The following ATRNL1 variants were observed in gnomAD, a reference collection of about 807,000 sequenced individuals.
The protein encoded by ATRNL1 is attractin-like protein 1.
In ATRNL1, 95 loss-of-function variants were observed where a neutral mutation model predicts 182.7. The observed-to-expected ratio is 0.52, with a 90% confidence interval of 0.44 to 0.62. The LOEUF is 0.62. Ranked by LOEUF, ATRNL1 falls within the 20% of genes least tolerant of loss-of-function variation. The probability of loss-of-function intolerance (pLI) is 0.00; values close to 1 mark genes in which losing one functional copy is unlikely to be tolerated. For missense variants in ATRNL1, 1,471 were observed against 1,679.5 expected (o/e 0.88, Z 2.17); for synonymous variants, 576 against 568.3 (o/e 1.01, Z -0.19).
At chr10:115,363,195 T>G (rs1326636921) in intron 19 of ATRNL1, among the ~76,000 whole-genome samples, 1 of 151,344 alleles carries the variant, frequency 6.6e-6, no homozygotes, top group Non-Finnish European at 1.5e-5. Flanking sequence ...GTTTCCTGAC[T>G]TTTTAATGAT....
intron 26 of ATRNL1, among the ~76,000 whole-genome samples, chr10:115,639,991 G>T (rs1000481079): frequency 6.6e-5 from 10 of 151,910 alleles, no homozygotes; most frequent in East Asian, 1.9e-4. Flanking sequence ...ACCCCGACCT[G>T]CCCAGTGTGT....
chr10:115,933,195 A>C (rs1204040384), intron 28 of ATRNL1, among the ~76,000 whole-genome samples: 1 of 152,248 alleles, frequency 6.6e-6, no homozygotes, highest in Non-Finnish European at 1.5e-5. Flanking sequence ...ATTGCTAGAC[A>C]CAAGATCAAG....
chr10:115,840,186 G>A (rs1301935741), intron 27 of ATRNL1, among the ~76,000 whole-genome samples: 2 of 152,138 alleles, frequency 1.3e-5, no homozygotes, highest in Non-Finnish European at 2.9e-5. Context: ...TTCCGGGGCA[G>A]TGTTGATGTG....
At chr10:115,852,487 A>G (rs1951079259) in intron 28 of ATRNL1, among the ~76,000 whole-genome samples, 1 of 152,016 alleles carries the variant, frequency 6.6e-6, no homozygotes, top group African/African-American at 2.4e-5. Context: ...TAAGCGCTTT[A>G]TGTATTCATT....
intron 27 of ATRNL1, among the ~76,000 whole-genome samples, chr10:115,839,784 A>G (rs1950761729): frequency 6.6e-6 from 1 of 152,154 alleles, no homozygotes; most frequent in Non-Finnish European, 1.5e-5. Flanking sequence ...GTGCCTATGT[A>G]GCACTCTGCC....
intron 13 of ATRNL1, among the ~76,000 whole-genome samples, chr10:115,273,167 GC>G (rs1554913785): frequency 1.3e-5 from 2 of 152,178 alleles, no homozygotes; most frequent in African/African-American, 4.8e-5. Flanking sequence ...AGCCAGGTTG[GC>G]CTCGGTGGAT....
chr10:115,259,719 A>G (rs1361205706), intron 10 of ATRNL1, among the ~76,000 whole-genome samples: 11 of 152,144 alleles, frequency 7.2e-5, no homozygotes, highest in Non-Finnish European at 1.5e-4. Context: ...GGAGCTGCAG[A>G]CTGGAGCTGT....
At chr10:115,105,201 AT>A (rs373831413) in intron 1 of ATRNL1, among the ~76,000 whole-genome samples, 1 of 151,754 alleles carries the variant, frequency 6.6e-6, no homozygotes, top group Non-Finnish European at 1.5e-5. Context: ...ATATCTTTCC[AT>A]TTTTTTTGGT....
intron 24 of ATRNL1, among the ~76,000 whole-genome samples, chr10:115,474,571 G>A (rs1554972735): frequency 6.6e-6 from 1 of 151,106 alleles, no homozygotes; most frequent in Non-Finnish European, 1.5e-5. Context: ...AAATAGAGCA[G>A]GGATGGAAGG....
intron 19 of ATRNL1, among the ~76,000 whole-genome samples, chr10:115,384,530 A>T (rs626188): frequency 0.034 from 5,137 of 152,152 alleles, 263 homozygotes; most frequent in African/African-American, 0.11. Context: ...ATAAAATGAA[A>T]GCAGTCATGT....
chr10:115,905,316 G>C (rs1451909391), intron 28 of ATRNL1, among the ~76,000 whole-genome samples: 1 of 152,000 alleles, frequency 6.6e-6, no homozygotes, highest in Non-Finnish European at 1.5e-5. Context: ...AACCTGCCAG[G>C]CTCAAGCGAT....
intron 26 of ATRNL1, among the ~76,000 whole-genome samples, chr10:115,679,494 A>G (rs552502296): frequency 6.6e-6 from 1 of 151,996 alleles, no homozygotes; most frequent in South Asian, 2.1e-4. Flanking sequence ...TTCTCTCCGC[A>G]TACTTCACTC....
intron 24 of ATRNL1, among the ~76,000 whole-genome samples, chr10:115,482,487 T>G (rs185256814): frequency 6.8e-4 from 103 of 151,128 alleles, no homozygotes; most frequent in Non-Finnish European, 1.2e-3. Context: ...TTTATTAATA[T>G]ATTTATAATA....
intron 24 of ATRNL1, among the ~76,000 whole-genome samples, chr10:115,481,709 C>G (rs1382641178): frequency 1.3e-5 from 2 of 150,646 alleles, no homozygotes; most frequent in East Asian, 3.9e-4. Flanking sequence ...AATTTATAAA[C>G]AAACATATTT....
chr10:115,689,299 C>T (rs1946316806), intron 26 of ATRNL1, among the ~76,000 whole-genome samples: 1 of 152,042 alleles, frequency 6.6e-6, no homozygotes, highest in Non-Finnish European at 1.5e-5. Flanking sequence ...TTTTCTAGCT[C>T]CTTGAGATGC....
chr10:115,107,194 T>C (rs1294492813), intron 1 of ATRNL1, among the ~76,000 whole-genome samples: 4 of 152,070 alleles, frequency 2.6e-5, no homozygotes, highest in African/African-American at 4.8e-5. Flanking sequence ...CTAAATCAGA[T>C]GTAGGTGAGA....
chr10:115,255,329 T>A (rs1047824075), intron 10 of ATRNL1, among the ~76,000 whole-genome samples: 7 of 152,162 alleles, frequency 4.6e-5, no homozygotes, highest in African/African-American at 1.2e-4. Context: ...GGTTTGTAGT[T>A]CTCCTTGAAG....
intron 27 of ATRNL1, among the ~76,000 whole-genome samples, chr10:115,839,891 A>G (rs1950764192): frequency 6.6e-6 from 1 of 152,210 alleles, no homozygotes; most frequent in Non-Finnish European, 1.5e-5. Flanking sequence ...AATGTGTTTT[A>G]GAATGGACTA....
chr10:115,485,586 T>C (rs898749381), intron 24 of ATRNL1, among the ~76,000 whole-genome samples: 1 of 152,086 alleles, frequency 6.6e-6, no homozygotes, highest in Admixed American at 6.6e-5. Flanking sequence ...AAGTGTATTC[T>C]TCCTATGTGA....
Sources: gnomAD v4.1 joint callset for allele counts (sites outside exome capture counted in the v4.1 genomes callset) on GRCh38, gnomAD v4.1.1 for gene constraint, MANE v1.5 for transcripts, NCBI Gene and HGNC (gene_info 2026-07-23, HGNC 2026-07-21) for gene names.